The following HIBADH variants were observed in gnomAD, a reference collection of about 807,000 sequenced individuals.
The protein encoded by HIBADH is 3-hydroxyisobutyrate dehydrogenase.
HIBADH carries 25 observed loss-of-function variants against 36.1 expected under a neutral mutation model. That is an observed-to-expected ratio of 0.69 (90% CI 0.50 to 0.97). The LOEUF is 0.97. Among genes scored for constraint, HIBADH ranks in the 50% least tolerant of loss-of-function variants. The probability of loss-of-function intolerance (pLI) is 0.00; values close to 1 mark genes in which losing one functional copy is unlikely to be tolerated. For synonymous variants in HIBADH, 160 were observed against 149.5 expected (o/e 1.07, Z -0.51); for missense variants, 421 against 418.0 (o/e 1.01, Z -0.06).
At chr7:27,572,840 G>GACTATT (rs1236359388) in intron 4 of HIBADH, among the ~76,000 whole-genome samples, 1 of 151,304 alleles carries the variant, frequency 6.6e-6, no homozygotes, top group East Asian at 2.0e-4. Flanking sequence ...TGGTGAGCCA[G>GACTATT]ACTATTACTG....
intron 2 of HIBADH, among the ~76,000 whole-genome samples, chr7:27,637,644 G>C (rs975812673): frequency 3.3e-5 from 5 of 152,278 alleles, no homozygotes; most frequent in African/African-American, 1.2e-4. Context: ...AAGAGAGGAA[G>C]TCAACCTATC....
intron 4 of HIBADH, among the ~76,000 whole-genome samples, chr7:27,559,937 A>G (rs771678430): frequency 6.6e-5 from 10 of 152,206 alleles, no homozygotes; most frequent in Non-Finnish European, 8.8e-5. Context: ...GTAAATTTCT[A>G]AAGATTTTGC....
chr7:27,580,104 A>G (rs1320273712), intron 4 of HIBADH, among the ~76,000 whole-genome samples: 1 of 152,230 alleles, frequency 6.6e-6, no homozygotes, highest in Non-Finnish European at 1.5e-5. Flanking sequence ...ATTTTTCATG[A>G]AACACAGGTG....
intron 2 of HIBADH, among the ~76,000 whole-genome samples, chr7:27,642,642 GTTTTTTTT>G (rs71555706): frequency 6.0e-4 from 58 of 97,428 alleles, no homozygotes; most frequent in African/African-American, 1.4e-3. Context: ...TAAATGTCTA[GTTTTTTTT>G]TTTTTTTTTT....
At chr7:27,587,914 T>C (rs1204621485) in intron 4 of HIBADH, among the ~76,000 whole-genome samples, 1 of 152,156 alleles carries the variant, frequency 6.6e-6, no homozygotes, top group East Asian at 1.9e-4. Flanking sequence ...ACTTTCAAAA[T>C]AGCAGTTTCC....
Position 27,530,380 on chromosome 7 carries a change from T to C in HIBADH, c.852+812A>G, listed in dbSNP as rs373223291. 9.9e-5 allele frequency among the ~76,000 whole-genome samples: 15 copies of C among 152,218 alleles called. No homozygotes were observed. The South Asian group carries it at 3.1e-3, about 32-fold the overall frequency. ...ACCACCACGCCCGACTAATTTTTTT[T>C]ATTTTTAGTAGAAACTGGGTTTCAC... On this transcript the variant is annotated intron_variant, in intron 7 of 7. Transcript: ENST00000265395.
intron 4 of HIBADH, among the ~76,000 whole-genome samples, chr7:27,587,235 C>T (rs1177978816): frequency 2.6e-5 from 4 of 152,182 alleles, no homozygotes; most frequent in Non-Finnish European, 4.4e-5. Context: ...CCAAAGTCCA[C>T]AGTATTCTAA....
intron 4 of HIBADH, among the ~76,000 whole-genome samples, chr7:27,572,273 A>G (rs1376378698): frequency 1.3e-5 from 2 of 152,236 alleles, no homozygotes; most frequent in African/African-American, 2.4e-5. Context: ...TGAGAAATGT[A>G]AAGTGCATTT....
At chr7:27,545,673 G>C (rs1471862760) in intron 4 of HIBADH, among the ~76,000 whole-genome samples, 3 of 152,122 alleles carry the variant, frequency 2.0e-5, no homozygotes. Flanking sequence ...TACTCGGGTA[G>C]TTGCTAGAAT....
intron 2 of HIBADH, among the ~76,000 whole-genome samples, chr7:27,640,647 T>C (rs953515829): frequency 5.9e-5 from 9 of 152,214 alleles, no homozygotes; most frequent in African/African-American, 2.2e-4. Flanking sequence ...ATAAACTCTA[T>C]ACCTAATCAC....
intron 4 of HIBADH, among the ~76,000 whole-genome samples, chr7:27,606,783 T>C (rs1051840058): frequency 1.3e-5 from 2 of 152,258 alleles, no homozygotes; most frequent in Non-Finnish European, 2.9e-5. Flanking sequence ...ACCATAGTTT[T>C]AGGTTGACTT....
chr7:27,542,898 C>A, intron 5 of HIBADH, 69 bp downstream of exon 5: 3 of 1,453,698 alleles, frequency 2.1e-6, no homozygotes, highest in South Asian at 2.5e-5. Context: ...AAAATATGGT[C>A]AGGAAAGAGA....
rs979024619 is a variant in HIBADH, at chr7:27,578,088, T to C, written c.485-34988A>G. On this transcript the variant is annotated intron_variant, in intron 4 of 7. Coordinates refer to ENST00000265395, the MANE Select transcript of HIBADH (RefSeq NM_152740.4). Reference sequence around the variant, plus strand: ...AACATATATAAATCAAATCATTAAATAGTTTAGAGAGTTCAGTATGCTAAT... The same window carrying C: ...AACATATATAAATCAAATCATTAAACAGTTTAGAGAGTTCAGTATGCTAAT... 2.3e-4 allele frequency among the ~76,000 whole-genome samples: 35 copies of C among 152,338 alleles called. 2 individuals are homozygous for C. Among genetic ancestry groups the C allele is most frequent in the East Asian group, 1.2e-3 (6 of 5,186 alleles).
At chr7:27,629,022 C>T (rs1464633018) in intron 4 of HIBADH, among the ~76,000 whole-genome samples, 1 of 151,674 alleles carries the variant, frequency 6.6e-6, no homozygotes, top group Non-Finnish European at 1.5e-5. Flanking sequence ...TTCTTTTTTT[C>T]CCACTTGTTC....
intron 4 of HIBADH, among the ~76,000 whole-genome samples, chr7:27,617,834 A>C (rs1264489288): frequency 6.6e-6 from 1 of 152,228 alleles, no homozygotes; most frequent in Non-Finnish European, 1.5e-5. Context: ...TGCACCAGAC[A>C]GGAAACTCAT....
chr7:27,547,383 C>T (rs1232093623), intron 4 of HIBADH, among the ~76,000 whole-genome samples: 1 of 152,178 alleles, frequency 6.6e-6, no homozygotes, highest in Non-Finnish European at 1.5e-5. Flanking sequence ...CCTTTTCCTG[C>T]TTCAATTTTA....
Position 27,542,190 on chromosome 7 carries a change from T to G in HIBADH, c.618+777A>C, listed in dbSNP as rs575740625. Among the ~76,000 whole-genome samples, 4 of 152,292 alleles carry G rather than the reference T, an allele frequency of 2.6e-5. No individual in the cohort carries two copies. In the East Asian group the frequency reaches 7.7e-4, roughly 29 times the overall value. On this transcript the variant is annotated intron_variant, in intron 5 of 7. Transcript: ENST00000265395. ...ATATTTCTAGGCCATGTGGTTCATC[T>G]GTTTTTTCAAACTGTCACAAATCTT...
chr7:27,580,757 A>T (rs1032658455), intron 4 of HIBADH, among the ~76,000 whole-genome samples: 1 of 152,194 alleles, frequency 6.6e-6, no homozygotes. Flanking sequence ...TGGTCTGTGG[A>T]GTTTACATTC....
At chr7:27,654,478 C>G (rs1024433955) in intron 1 of HIBADH, among the ~76,000 whole-genome samples, 4 of 151,960 alleles carry the variant, frequency 2.6e-5, no homozygotes, top group African/African-American at 9.7e-5. Context: ...AAAGGACACA[C>G]TATGTAGAAA....
Sources: allele counts gnomAD v4.1 joint callset (sites outside exome capture counted in the v4.1 genomes callset), GRCh38; gene constraint gnomAD v4.1.1; transcripts MANE v1.5; gene names NCBI Gene and HGNC (gene_info 2026-07-23, HGNC 2026-07-21).